The following CLVS1 variants were observed in gnomAD, a reference collection of about 807,000 sequenced individuals.
The protein encoded by CLVS1 is clavesin 1, also known as clavesin-1.
Under a neutral mutation model 33.1 loss-of-function variants are expected in CLVS1, and 10 were observed. The ratio of observed to expected loss-of-function variants is 0.30; its 90% confidence interval spans 0.19 to 0.51. CLVS1 has a LOEUF of 0.51. Among genes scored for constraint, CLVS1 ranks in the 20% least tolerant of loss-of-function variants. The pLI, the probability that CLVS1 is intolerant of heterozygous loss-of-function variation, is 0.97. For missense variants in CLVS1, 343 were observed against 433.4 expected (o/e 0.79, Z 1.85); for synonymous variants, 163 against 166.1 (o/e 0.98, Z 0.14).
At chr8:61,361,060 G>T (rs997748002) in intron 2 of CLVS1, among the ~76,000 whole-genome samples, 2 of 152,130 alleles carry the variant, frequency 1.3e-5, no homozygotes, top group African/African-American at 4.8e-5. Flanking sequence ...AGAGAGAAAA[G>T]GGGGAGGGGG....
intron 2 of CLVS1, among the ~76,000 whole-genome samples, chr8:61,198,042 G>A (rs572249765): frequency 6.6e-6 from 1 of 152,168 alleles, no homozygotes; most frequent in Admixed American, 6.5e-5. Flanking sequence ...TGCTATGATT[G>A]TTCACCTGAT....
At chr8:61,362,256 GAGTC>G (rs1168680958) in intron 2 of CLVS1, among the ~76,000 whole-genome samples, 1 of 152,204 alleles carries the variant, frequency 6.6e-6, no homozygotes, top group Non-Finnish European at 1.5e-5. Context: ...AGATGAGAAA[GAGTC>G]AGCCCAAAGT....
chr8:61,202,971 G>T (rs1807768231), intron 2 of CLVS1: 11 of 1,463,328 alleles, frequency 7.5e-6, no homozygotes, highest in Non-Finnish European at 1.0e-5. Flanking sequence ...AGTCAAATCA[G>T]AATGGAAAAG....
At chr8:61,422,756 A>T (rs146617311) in intron 3 of CLVS1, among the ~76,000 whole-genome samples, 100 of 152,326 alleles carry the variant, frequency 6.6e-4, no homozygotes, top group African/African-American at 2.4e-3. Context: ...ATATAGGGAA[A>T]CTTCTTAACT....
intron 2 of CLVS1, among the ~76,000 whole-genome samples, chr8:61,134,146 C>T (rs1806149000): frequency 2.0e-5 from 3 of 152,106 alleles, no homozygotes; most frequent in Admixed American, 2.0e-4. Flanking sequence ...AATTTAAGGA[C>T]ACACAGTCAG....
chr8:61,025,705 T>G, the CLVS1 span, among the ~76,000 whole-genome samples: 1 of 152,226 alleles, frequency 6.6e-6, no homozygotes, highest in South Asian at 2.1e-4. Flanking sequence ...ATAGTGTGGA[T>G]CAACCTGCAT....
intron 2 of CLVS1, among the ~76,000 whole-genome samples, chr8:61,214,772 C>T (rs1808049948): frequency 6.6e-6 from 1 of 152,158 alleles, no homozygotes; most frequent in Non-Finnish European, 1.5e-5. Context: ...ATAATTTGAT[C>T]CATGTCTCTG....
chr8:61,181,610 C>T (rs1051296356), intron 2 of CLVS1, among the ~76,000 whole-genome samples: 22 of 151,694 alleles, frequency 1.5e-4, no homozygotes, highest in African/African-American at 4.8e-4. Context: ...ACCAAAACAG[C>T]GTGGTACTGG....
intron 3 of CLVS1, among the ~76,000 whole-genome samples, chr8:61,412,660 C>T (rs894636988): frequency 3.9e-5 from 6 of 152,200 alleles, no homozygotes; most frequent in African/African-American, 1.4e-4. Context: ...TGCCGTTGCA[C>T]CTCCACTGGT....
At chr8:61,163,719 A>G (rs1806795552) in intron 2 of CLVS1, among the ~76,000 whole-genome samples, 1 of 152,182 alleles carries the variant, frequency 6.6e-6, no homozygotes, top group Non-Finnish European at 1.5e-5. Flanking sequence ...CCCAGCAACT[A>G]GTGTTCAGCT....
chr8:61,251,023 C>T (rs946530258), intron 2 of CLVS1, among the ~76,000 whole-genome samples: 6 of 152,134 alleles, frequency 3.9e-5, no homozygotes, highest in Admixed American at 1.3e-4. Flanking sequence ...CCAGTTTTTG[C>T]CCATTCAGTA....
intron 2 of CLVS1, among the ~76,000 whole-genome samples, chr8:61,242,821 A>C (rs1261769591): frequency 6.6e-6 from 1 of 152,154 alleles, no homozygotes; most frequent in African/African-American, 2.4e-5. Context: ...AAATAAAACA[A>C]AATAAAATGT....
At chr8:61,405,506 G>A (rs974283765) in intron 3 of CLVS1, among the ~76,000 whole-genome samples, 1 of 152,138 alleles carries the variant, frequency 6.6e-6, no homozygotes, top group African/African-American at 2.4e-5. Context: ...AGGTGCAGCA[G>A]CTCACACCTG....
At chr8:61,333,110 C>T (rs1208874607) in intron 2 of CLVS1, among the ~76,000 whole-genome samples, 1 of 152,304 alleles carries the variant, frequency 6.6e-6, no homozygotes, top group African/African-American at 2.4e-5. Context: ...GTTTTTTCCA[C>T]TTCTTTTCAT....
At chr8:61,291,130 T>G (rs907345062) in intron 1 of CLVS1, among the ~76,000 whole-genome samples, 13 of 152,228 alleles carry the variant, frequency 8.5e-5, no homozygotes, top group African/African-American at 4.8e-5. Context: ...TAAGTTCATT[T>G]TTCTTCCCTA....
intron 2 of CLVS1, among the ~76,000 whole-genome samples, chr8:61,230,004 G>C (rs1585706973): frequency 6.6e-6 from 1 of 152,154 alleles, no homozygotes; most frequent in Non-Finnish European, 1.5e-5. Context: ...AAAATGCTGA[G>C]CTATCTGAAA....
intron 2 of CLVS1, among the ~76,000 whole-genome samples, chr8:61,335,089 G>A (rs185601574): frequency 2.0e-5 from 3 of 152,292 alleles, no homozygotes; most frequent in African/African-American, 7.2e-5. Flanking sequence ...CCAAGATCAA[G>A]TGAGCCAGTT....
At chr8:61,266,353 A>ACTG (rs1809303326) in intron 2 of CLVS1, among the ~76,000 whole-genome samples, 1 of 149,770 alleles carries the variant, frequency 6.7e-6, no homozygotes, top group African/African-American at 2.5e-5. Flanking sequence ...CCCACTGGCC[A>ACTG]ATCCCCACTG....
intron 1 of CLVS1, among the ~76,000 whole-genome samples, chr8:61,058,954 C>T (rs189543424): frequency 6.6e-6 from 1 of 152,198 alleles, no homozygotes. Context: ...TTTCAATGGA[C>T]ATTTAGCTGT....
Sources: gnomAD v4.1 joint callset for allele counts (sites outside exome capture counted in the v4.1 genomes callset) on GRCh38, gnomAD v4.1.1 for gene constraint, MANE v1.5 for transcripts, NCBI Gene and HGNC (gene_info 2026-07-23, HGNC 2026-07-21) for gene names.